ARMH3: variants seen among roughly 807,000 people sequenced by gnomAD.
ARMH3 encodes armadillo like helical domain containing 3, also known as armadillo-like helical domain-containing protein 3.
Under a neutral mutation model 99.1 loss-of-function variants are expected in ARMH3, and 60 were observed. The observed-to-expected ratio is 0.61, with a 90% confidence interval of 0.49 to 0.75. The LOEUF is 0.75. Among genes scored for constraint, ARMH3 ranks in the 30% least tolerant of loss-of-function variants. The probability of loss-of-function intolerance (pLI) is 0.00; values close to 1 mark genes in which losing one functional copy is unlikely to be tolerated. For synonymous variants in ARMH3, 285 were observed against 292.8 expected, an observed-to-expected ratio of 0.97 and a Z score of 0.27; for missense variants, 679 against 843.1, an observed-to-expected ratio of 0.81 and a Z score of 2.41.
chr10:101,991,775 C>G (rs1846807770), intron 18 of ARMH3, among the ~76,000 whole-genome samples, 194 bp downstream of exon 18: 2 of 152,114 alleles, frequency 1.3e-5, no homozygotes, highest in Admixed American at 1.3e-4. Flanking sequence ...ACAACAGGAC[C>G]CTTTTATTGA....
At chr10:101,968,817 T>C (rs1845649185) in intron 20 of ARMH3, among the ~76,000 whole-genome samples, 1 of 152,184 alleles carries the variant, frequency 6.6e-6, no homozygotes, top group Non-Finnish European at 1.5e-5. Flanking sequence ...CTGGCATTCC[T>C]TTTTAGTCCT....
At chr10:102,052,005 C>T (rs1389437710) in intron 1 of ARMH3, among the ~76,000 whole-genome samples, 9 of 152,116 alleles carry the variant, frequency 5.9e-5, no homozygotes, top group Non-Finnish European at 1.0e-4. Flanking sequence ...CATTTTCTGA[C>T]ACATCCCAGA....
At chr10:101,905,308 T>C (rs1435732032) in intron 23 of ARMH3, among the ~76,000 whole-genome samples, 2 of 152,206 alleles carry the variant, frequency 1.3e-5, no homozygotes, top group East Asian at 1.9e-4. Context: ...TCAACACTTA[T>C]CGTAACATAT....
chr10:102,015,576 G>A (rs2136129067), intron 8 of ARMH3, among the ~76,000 whole-genome samples: 1 of 152,192 alleles, frequency 6.6e-6, no homozygotes, highest in East Asian at 1.9e-4. Flanking sequence ...TTTTAGTAGA[G>A]ACAGGGTTTC....
intron 22 of ARMH3, among the ~76,000 whole-genome samples, chr10:101,940,253 C>T (rs1419022281): frequency 6.6e-6 from 1 of 152,146 alleles, no homozygotes; most frequent in Admixed American, 6.5e-5. Flanking sequence ...TTACAATCTG[C>T]ACTGGGGTGG....
At chr10:101,994,928 A>G (rs1467323921) in intron 16 of ARMH3, among the ~76,000 whole-genome samples, 1 of 152,112 alleles carries the variant, frequency 6.6e-6, no homozygotes, top group East Asian at 1.9e-4. Context: ...CCCAGCTACT[A>G]GAGGGGCCGA....
chr10:101,913,031 A>T (rs1379782769), intron 23 of ARMH3: 1 of 152,284 alleles, frequency 6.6e-6, no homozygotes, highest in Non-Finnish European at 1.5e-5. Context: ...CTCAGGCAGG[A>T]GCGCAGTGGC....
chr10:101,902,315 T>C (rs1045759415), intron 23 of ARMH3, among the ~76,000 whole-genome samples: 10 of 152,072 alleles, frequency 6.6e-5, no homozygotes, highest in African/African-American at 1.9e-4. Flanking sequence ...ATATAACTAG[T>C]TTAAAAAGCC....
intron 20 of ARMH3, among the ~76,000 whole-genome samples, chr10:101,958,035 C>G (rs1845117447): frequency 6.6e-6 from 1 of 152,212 alleles, no homozygotes; most frequent in African/African-American, 2.4e-5. Flanking sequence ...TTCAAATTTA[C>G]TCCCACATGG....
intron 23 of ARMH3, among the ~76,000 whole-genome samples, chr10:101,900,254 T>G (rs984105537): frequency 5.3e-5 from 8 of 152,204 alleles, no homozygotes; most frequent in African/African-American, 1.9e-4. Context: ...TAATAATCTT[T>G]GGAATTGGTT....
chr10:101,990,495 A>G, intron 19 of ARMH3, 56 bp downstream of exon 19: 1 of 1,379,086 alleles, frequency 7.3e-7, no homozygotes, highest in Non-Finnish European at 1.0e-6. Flanking sequence ...ATTTTCTAAC[A>G]TTCAGTTCTT....
At chr10:102,049,373 C>T (rs1334381281) in intron 1 of ARMH3, among the ~76,000 whole-genome samples, 3 of 152,046 alleles carry the variant, frequency 2.0e-5, no homozygotes, top group Admixed American at 1.3e-4. Flanking sequence ...GAAACCCCGT[C>T]TCTACTAAAA....
intron 23 of ARMH3, among the ~76,000 whole-genome samples, chr10:101,908,541 T>C (rs1259024657): frequency 6.6e-6 from 1 of 152,126 alleles, no homozygotes; most frequent in Non-Finnish European, 1.5e-5. Context: ...AACTGAAATA[T>C]AGCAAATGTC....
intron 15 of ARMH3, 84 bp downstream of exon 15, chr10:102,001,887 C>A (rs1299656694): frequency 7.9e-7 from 1 of 1,258,896 alleles, no homozygotes; most frequent in Non-Finnish European, 1.1e-6. Context: ...CTTGTCAAAG[C>A]TTCAAAATAT....
chr10:101,983,580 A>G (rs529720149), intron 19 of ARMH3, among the ~76,000 whole-genome samples: 1 of 152,306 alleles, frequency 6.6e-6, no homozygotes, highest in South Asian at 2.1e-4. Flanking sequence ...ACATGCCTAC[A>G]TAATGAAATC....
At chr10:101,909,002 T>A (rs1842759590) in intron 23 of ARMH3, among the ~76,000 whole-genome samples, 1 of 152,050 alleles carries the variant, frequency 6.6e-6, no homozygotes. Context: ...TGTTTCTAGT[T>A]TTAAAAAGTA....
intron 23 of ARMH3, among the ~76,000 whole-genome samples, chr10:101,899,880 T>G (rs146348462): frequency 6.6e-6 from 1 of 152,216 alleles, no homozygotes. Context: ...AAAAGGCATT[T>G]TGACAACCAG....
chr10:102,020,199 A>G (rs1015192031), intron 8 of ARMH3, among the ~76,000 whole-genome samples: 3 of 152,016 alleles, frequency 2.0e-5, no homozygotes, highest in Non-Finnish European at 4.4e-5. Context: ...AGAAAGAAAA[A>G]ATTTAATAAA....
chr10:101,977,792 C>T (rs1412988083), intron 19 of ARMH3, among the ~76,000 whole-genome samples: 5 of 152,132 alleles, frequency 3.3e-5, no homozygotes, highest in Non-Finnish European at 7.4e-5. Flanking sequence ...CTCCTGAGCC[C>T]CCTCACCATA....
Sources: allele counts gnomAD v4.1 joint callset (sites outside exome capture counted in the v4.1 genomes callset), GRCh38; gene constraint gnomAD v4.1.1; transcripts MANE v1.5; gene names NCBI Gene and HGNC (gene_info 2026-07-23, HGNC 2026-07-21).